Variants in NRXN3 observed in about 807,000 individuals in gnomAD.
The protein encoded by NRXN3 is neurexin 3.
In NRXN3, 32 loss-of-function variants were observed where a neutral mutation model predicts 137.6. The ratio of observed to expected loss-of-function variants is 0.23; its 90% CI spans 0.18 to 0.31. The LOEUF (loss-of-function observed/expected upper bound fraction) is 0.31, where lower values mean the gene tolerates loss of function less well. NRXN3 is among the 10% of genes least tolerant of loss of function. The pLI is 1.00. For missense variants in NRXN3, 1,574 were observed against 2,062.5 expected (o/e 0.76, Z 4.59); for synonymous variants, 798 against 784.5 (o/e 1.02, Z -0.29).
At chr14:78,791,298 G>C (rs2153052081) in intron 8 of NRXN3, among the ~76,000 whole-genome samples, 1 of 152,154 alleles carries the variant, frequency 6.6e-6, no homozygotes, top group South Asian at 2.1e-4. Flanking sequence ...TGCCTGCTAG[G>C]GGTTTTCTCT....
At chr14:79,623,818 C>A (rs978883299) in intron 16 of NRXN3, among the ~76,000 whole-genome samples, 2 of 146,154 alleles carry the variant, frequency 1.4e-5, no homozygotes, top group Non-Finnish European at 1.5e-5. Flanking sequence ...TTCTAGAAAC[C>A]ATGAAAGAAA....
At chr14:79,220,396 C>G (rs1480815611) in intron 15 of NRXN3, among the ~76,000 whole-genome samples, 3 of 152,168 alleles carry the variant, frequency 2.0e-5, no homozygotes, top group African/African-American at 7.2e-5. Context: ...ATAGCTTCCC[C>G]CATCAGGAGC....
At chr14:79,282,965 G>T (rs1184188139) in intron 15 of NRXN3, among the ~76,000 whole-genome samples, 1 of 152,114 alleles carries the variant, frequency 6.6e-6, no homozygotes, top group Non-Finnish European at 1.5e-5. Context: ...CTTCCATCCT[G>T]CACCCAAGCT....
At chr14:79,541,575 A>G (rs553441341) in intron 16 of NRXN3, among the ~76,000 whole-genome samples, 2 of 152,330 alleles carry the variant, frequency 1.3e-5, no homozygotes, top group Middle Eastern at 3.4e-3. Context: ...TACAAGGTAT[A>G]AAGATGAGCT....
chr14:79,114,728 A>G (rs2054099306), intron 15 of NRXN3, among the ~76,000 whole-genome samples: 1 of 152,036 alleles, frequency 6.6e-6, no homozygotes, highest in Admixed American at 6.6e-5. Context: ...AGGACTTGCT[A>G]TGTTGCTCAG....
chr14:79,853,599 C>T, intron 20 of NRXN3: 1 of 1,351,640 alleles, frequency 7.4e-7, no homozygotes, highest in African/African-American at 1.5e-5. Context: ...TGGCGACTCA[C>T]TTACACATTT....
intron 6 of NRXN3, among the ~76,000 whole-genome samples, chr14:78,677,043 G>A (rs2098015398): frequency 6.6e-6 from 1 of 152,108 alleles, no homozygotes; most frequent in African/African-American, 2.4e-5. Flanking sequence ...TTACCAAAGA[G>A]CTTTGATAAA....
intron 16 of NRXN3, among the ~76,000 whole-genome samples, chr14:79,536,216 G>A (rs1188640410): frequency 1.3e-5 from 2 of 152,156 alleles, no homozygotes; most frequent in Non-Finnish European, 2.9e-5. Context: ...TATGGAAAGG[G>A]AGGAGGAATA....
At chr14:78,543,554 G>A (rs528605544) in intron 4 of NRXN3, among the ~76,000 whole-genome samples, 75 of 152,170 alleles carry the variant, frequency 4.9e-4, no homozygotes, top group Non-Finnish European at 9.4e-4. Context: ...ATCTCTCTTG[G>A]TGGGGGTCTG....
intron 19 of NRXN3, among the ~76,000 whole-genome samples, chr14:79,801,612 T>G (rs2099181350): frequency 6.6e-6 from 1 of 152,166 alleles, no homozygotes; most frequent in African/African-American, 2.4e-5. Context: ...TTCACAGTTG[T>G]GCTATGTCTA....
chr14:79,399,978 C>T (rs899592673), intron 15 of NRXN3, among the ~76,000 whole-genome samples: 1 of 152,152 alleles, frequency 6.6e-6, no homozygotes, highest in Non-Finnish European at 1.5e-5. Context: ...AGGCCTTCTT[C>T]CCTGTGCATA....
intron 16 of NRXN3, among the ~76,000 whole-genome samples, chr14:79,611,176 G>A (rs2098094117): frequency 6.6e-6 from 1 of 152,116 alleles, no homozygotes; most frequent in South Asian, 2.1e-4. Flanking sequence ...ACACATGGAC[G>A]GGCTTTAGGG....
At chr14:78,859,875 A>G (rs2099067853) in intron 10 of NRXN3, among the ~76,000 whole-genome samples, 3 of 152,010 alleles carry the variant, frequency 2.0e-5, no homozygotes, top group Admixed American at 2.0e-4. Context: ...TATTACTCTC[A>G]CTTTTATCCT....
chr14:79,112,465 A>G (rs986533654), intron 15 of NRXN3, among the ~76,000 whole-genome samples: 1 of 152,202 alleles, frequency 6.6e-6, no homozygotes, highest in African/African-American at 2.4e-5. Flanking sequence ...TTCCTTCTGT[A>G]ATTGTTGGCA....
chr14:79,828,610 C>T (rs2099312593), intron 20 of NRXN3, among the ~76,000 whole-genome samples: 1 of 96,822 alleles, frequency 1.0e-5, no homozygotes, highest in Non-Finnish European at 1.9e-5. Context: ...CAGAGGAAGA[C>T]TCCATCTCAA....
chr14:79,096,302 G>T (rs1049069667), intron 15 of NRXN3, among the ~76,000 whole-genome samples: 13 of 151,830 alleles, frequency 8.6e-5, no homozygotes, highest in Non-Finnish European at 1.6e-4. Flanking sequence ...TAGAGGCGGG[G>T]TTTCACTGTG....
intron 8 of NRXN3, among the ~76,000 whole-genome samples, chr14:78,790,398 G>A (rs1484816160): frequency 6.6e-6 from 1 of 152,202 alleles, no homozygotes; most frequent in African/African-American, 2.4e-5. Context: ...AGAATGTGAA[G>A]TTAGTTTTCA....
At chr14:78,297,991 C>A in intron 4 of NRXN3, 131 bp downstream of exon 4, 2 of 1,035,026 alleles carry the variant, frequency 1.9e-6, no homozygotes, top group South Asian at 1.5e-5. Flanking sequence ...GCCAGGCTGG[C>A]TGCAGGACCA....
chr14:79,439,457 T>C (rs2095896771), intron 15 of NRXN3, among the ~76,000 whole-genome samples: 1 of 152,212 alleles, frequency 6.6e-6, no homozygotes, highest in South Asian at 2.1e-4. Flanking sequence ...ATGGCCTGCA[T>C]CCCAGTGACA....
Sources: gnomAD v4.1 joint callset for allele counts (sites outside exome capture counted in the v4.1 genomes callset) on GRCh38, gnomAD v4.1.1 for gene constraint, MANE v1.5 for transcripts, NCBI Gene and HGNC (gene_info 2026-07-23, HGNC 2026-07-21) for gene names.